Variants in FAM13A observed in about 807,000 individuals in gnomAD.
FAM13A encodes the protein protein FAM13A.
In FAM13A, 76 loss-of-function variants were observed where a neutral mutation model predicts 129.6. The observed-to-expected ratio is 0.59, with a 90% CI of 0.49 to 0.71. The LOEUF (loss-of-function observed/expected upper bound fraction) is 0.71. Ranked by LOEUF, FAM13A falls within the 30% of genes least tolerant of loss-of-function variation. The probability of loss-of-function intolerance (pLI) is 0.00; values close to 1 mark genes in which losing one functional copy is unlikely to be tolerated. For missense variants in FAM13A, 1,108 were observed against 1,249.3 expected (o/e 0.89, Z 1.70); for synonymous variants, 443 against 449.9 (o/e 0.98, Z 0.20).
At chr4:88,728,733 T>G in intron 23 of FAM13A, 74 bp from the exon 24 acceptor site, 3 of 1,547,692 alleles carry the variant, frequency 1.9e-6, no homozygotes, top group South Asian at 1.1e-5. Flanking sequence ...TCGGGCAAAT[T>G]ATCATTGTTT....
intron 4 of FAM13A, among the ~76,000 whole-genome samples, chr4:88,978,664 G>T (rs1761238255): frequency 6.6e-6 from 1 of 152,074 alleles, no homozygotes; most frequent in South Asian, 2.1e-4. Context: ...CGTGGTGGTG[G>T]GCGCCTGTAG....
intron 11 of FAM13A, among the ~76,000 whole-genome samples, chr4:88,774,823 AAAAGG>A (rs1270647376): frequency 6.6e-6 from 1 of 152,262 alleles, no homozygotes; most frequent in Non-Finnish European, 1.5e-5. Flanking sequence ...GGAGGTGAAG[AAAAGG>A]AAAGGACTTG....
At chr4:88,862,384 A>G (rs968395505) in intron 6 of FAM13A, among the ~76,000 whole-genome samples, 1 of 152,178 alleles carries the variant, frequency 6.6e-6, no homozygotes, top group Non-Finnish European at 1.5e-5. Flanking sequence ...ATCTGAAATG[A>G]GTGGGCATGG....
At chr4:88,767,243 T>C (rs1286246820) in intron 13 of FAM13A, among the ~76,000 whole-genome samples, 3 of 152,202 alleles carry the variant, frequency 2.0e-5, no homozygotes, top group Non-Finnish European at 2.9e-5. Context: ...AAAAAATGCA[T>C]CAAATTGTGG....
intron 1 of FAM13A, among the ~76,000 whole-genome samples, chr4:89,037,473 A>G (rs1560906645): frequency 6.6e-6 from 1 of 152,182 alleles, no homozygotes; most frequent in Non-Finnish European, 1.5e-5. Flanking sequence ...TTGGTAAAAA[A>G]AACAACAACT....
At chr4:89,029,437 G>T in intron 2 of FAM13A, 23 bp downstream of exon 2, 2 of 1,571,190 alleles carry the variant, frequency 1.3e-6, no homozygotes. Flanking sequence ...AAAATGAACA[G>T]ACTAAAGCAT....
At chr4:88,783,943 A>G (rs966282444) in intron 10 of FAM13A, among the ~76,000 whole-genome samples, 1 of 152,062 alleles carries the variant, frequency 6.6e-6, no homozygotes. Flanking sequence ...TCAGAAGATA[A>G]ATTTTTGTTG....
At chr4:88,915,364 C>T (rs557799123) in intron 5 of FAM13A, among the ~76,000 whole-genome samples, 2 of 152,230 alleles carry the variant, frequency 1.3e-5, no homozygotes, top group African/African-American at 2.4e-5. Flanking sequence ...TAGATCTTCA[C>T]TATATATTTT....
At chr4:88,943,249 G>C (rs1176084931) in intron 4 of FAM13A, among the ~76,000 whole-genome samples, 5 of 152,024 alleles carry the variant, frequency 3.3e-5, no homozygotes, top group Non-Finnish European at 7.4e-5. Flanking sequence ...ATTCCAGAAG[G>C]GCTCCTTAAA....
intron 7 of FAM13A, among the ~76,000 whole-genome samples, chr4:88,820,599 T>C (rs1731704673): frequency 6.6e-6 from 1 of 152,210 alleles, no homozygotes; most frequent in Non-Finnish European, 1.5e-5. Context: ...TAATGCTAGA[T>C]TCCTATATAT....
intron 19 of FAM13A, among the ~76,000 whole-genome samples, chr4:88,746,176 C>T (rs1360233095): frequency 6.6e-6 from 1 of 152,180 alleles, no homozygotes; most frequent in Non-Finnish European, 1.5e-5. Flanking sequence ...CTTCGTGCTT[C>T]CTTATACCTG....
chr4:88,934,344 T>C (rs2609279), intron 5 of FAM13A, among the ~76,000 whole-genome samples: 113,684 of 152,008 alleles, frequency 0.75, 42,793 homozygotes, highest in Non-Finnish European at 0.79. Flanking sequence ...TTTTCATCTA[T>C]TGTTCAGTAT....
rs1427491107 is a variant in FAM13A at position 88,787,741 on chromosome 4, A to G, written c.1271+12T>C. ...AAAACTCAAGTAAGAGGAAGAATCA[A>G]TGCCAACTCACTTGTCTCTCCCATG... On this transcript the variant is annotated intron_variant, in intron 10 of 23. Transcript: ENST00000264344. 1.9e-6 allele frequency: 3 copies of G among 1,609,120 alleles called. No homozygotes were observed. The highest frequency in any genetic ancestry group is 3.4e-5 in the Admixed American group (2 of 58,846).
chr4:88,921,502 G>A (rs1458222695), intron 5 of FAM13A, among the ~76,000 whole-genome samples: 1 of 152,132 alleles, frequency 6.6e-6, no homozygotes, highest in Non-Finnish European at 1.5e-5. Flanking sequence ...AGCAAATGTT[G>A]AGAGATTTTG....
At chr4:88,758,976 C>T in intron 13 of FAM13A, 75 bp from the exon 14 acceptor site, 1 of 1,490,436 alleles carries the variant, frequency 6.7e-7, no homozygotes, top group Non-Finnish European at 9.2e-7. Context: ...AATTCCACTC[C>T]TTCAGGATAA....
intron 5 of FAM13A, among the ~76,000 whole-genome samples, chr4:88,919,870 T>A (rs1750732335): frequency 6.6e-6 from 1 of 152,190 alleles, no homozygotes; most frequent in Admixed American, 6.5e-5. Flanking sequence ...CCGACGGGCT[T>A]AAAAAATGGC....
At chr4:89,050,875 C>T (rs1481697584) in intron 1 of FAM13A, among the ~76,000 whole-genome samples, 1 of 152,086 alleles carries the variant, frequency 6.6e-6, no homozygotes, top group African/African-American at 2.4e-5. Context: ...TTAGAGTGAG[C>T]TGAGATAATA....
intron 3 of FAM13A, among the ~76,000 whole-genome samples, chr4:89,016,558 T>C (rs530336302): frequency 1.3e-5 from 2 of 152,344 alleles, no homozygotes; most frequent in Admixed American, 6.5e-5. Flanking sequence ...GCTCCATTCA[T>C]GGTAAATGCC....
intron 1 of FAM13A, among the ~76,000 whole-genome samples, chr4:89,038,660 G>A (rs1232635321): frequency 6.6e-6 from 1 of 151,974 alleles, no homozygotes; most frequent in South Asian, 2.1e-4. Context: ...TAATAACATA[G>A]TGTATTAAAA....
Sources: allele counts gnomAD v4.1 joint callset (sites outside exome capture counted in the v4.1 genomes callset), GRCh38; gene constraint gnomAD v4.1.1; transcripts MANE v1.5; gene names NCBI Gene and HGNC (gene_info 2026-07-23, HGNC 2026-07-21).